The following LSAMP variants were observed in gnomAD, a reference collection of about 807,000 sequenced individuals.
LSAMP encodes the protein limbic system associated membrane protein.
LSAMP carries 7 observed loss-of-function variants against 38.6 expected under a neutral mutation model. That is an observed-to-expected ratio of 0.18 (90% confidence interval 0.10 to 0.34). The LOEUF is 0.34. LSAMP is among the 10% of genes least tolerant of loss of function. The pLI, the probability that LSAMP is intolerant of heterozygous loss-of-function variation, is 1.00. For synonymous variants in LSAMP, 154 were observed against 166.8 expected (o/e 0.92, Z 0.59); for missense variants, 313 against 420.0 (o/e 0.75, Z 2.23).
At chr3:115,817,755 T>G (rs1440627812) in intron 6 of LSAMP, among the ~76,000 whole-genome samples, 1 of 152,042 alleles carries the variant, frequency 6.6e-6, no homozygotes, top group East Asian at 1.9e-4. Context: ...AAAGATGGAG[T>G]AAGAATTCTC....
intron 3 of LSAMP, among the ~76,000 whole-genome samples, chr3:115,915,702 G>A (rs920842210): frequency 2.0e-5 from 3 of 151,626 alleles, no homozygotes; most frequent in Admixed American, 6.6e-5. Flanking sequence ...GCGCAATCTC[G>A]GCTCACTGCA....
In LSAMP at chr3:116,066,011, T is replaced by A. The variant is rs556982115; in HGVS notation, c.388+20313A>T. On this transcript the variant is annotated intron_variant, in intron 2 of 6. Coordinates refer to ENST00000490035, the MANE Select transcript of LSAMP (RefSeq NM_002338.5). ...TTTGGAACATACAGTAGTGTCTTTA[T>A]GCAGGCTGCTATAACAAAATACCAT... 2.6e-5 allele frequency among the ~76,000 whole-genome samples: 4 copies of A among 152,390 alleles called. No homozygotes were observed. In the South Asian group the frequency reaches 8.3e-4, roughly 32 times the overall value.
At chr3:115,893,784 T>A (rs1936661513) in intron 3 of LSAMP, among the ~76,000 whole-genome samples, 1 of 152,034 alleles carries the variant, frequency 6.6e-6, no homozygotes, top group Non-Finnish European at 1.5e-5. Context: ...ATTTTTACTC[T>A]AAATAAAAAT....
intron 3 of LSAMP, among the ~76,000 whole-genome samples, chr3:115,945,857 C>T (rs1278083581): frequency 6.6e-6 from 1 of 152,130 alleles, no homozygotes; most frequent in Non-Finnish European, 1.5e-5. Flanking sequence ...CTTTTGAGTT[C>T]TTATTGACAT....
rs559278775 is a variant in LSAMP, at chr3:116,404,304, T to G, written c.155+40573A>C. ...GATCTAATAGAGAAAGTTAGAATTCTCTCTGTTTTTAATGCTTCAGAAAAT... is the reference window on the plus strand; with the variant it reads ...GATCTAATAGAGAAAGTTAGAATTCGCTCTGTTTTTAATGCTTCAGAAAAT... On this transcript the variant is annotated intron_variant, in intron 1 of 6. Coordinates refer to ENST00000490035, the MANE Select transcript of LSAMP (RefSeq NM_002338.5). Among the ~76,000 whole-genome samples the G allele has an allele frequency of 2.6e-5, 4 of 152,292 alleles. No individual in the cohort carries two copies. The South Asian group carries it at 8.3e-4, about 32-fold the overall frequency.
intron 1 of LSAMP, among the ~76,000 whole-genome samples, chr3:116,429,099 C>T (rs116635930): frequency 1.3e-5 from 2 of 152,328 alleles, no homozygotes; most frequent in Admixed American, 6.5e-5. Flanking sequence ...CCTGGCCCCA[C>T]AGACAAAGCT....
intron 1 of LSAMP, among the ~76,000 whole-genome samples, chr3:116,322,280 A>G (rs569510564): frequency 1.1e-4 from 17 of 152,318 alleles, no homozygotes; most frequent in African/African-American, 3.4e-4. Flanking sequence ...TAGTAATTTT[A>G]TGATGGAATA....
chr3:115,959,547 A>G (rs1329113824), intron 3 of LSAMP, among the ~76,000 whole-genome samples: 1 of 152,214 alleles, frequency 6.6e-6, no homozygotes, highest in Non-Finnish European at 1.5e-5. Flanking sequence ...AATAAAATGT[A>G]GTAGTTCGGA....
chr3:115,962,401 A>C (rs775948509), intron 3 of LSAMP, among the ~76,000 whole-genome samples: 1 of 152,290 alleles, frequency 6.6e-6, no homozygotes, highest in East Asian at 1.9e-4. Flanking sequence ...TTATTATACA[A>C]TTTGAGATAA....
At chr3:116,430,115 T>C (rs536093534) in intron 1 of LSAMP, among the ~76,000 whole-genome samples, 1 of 152,240 alleles carries the variant, frequency 6.6e-6, no homozygotes, top group South Asian at 2.1e-4. Context: ...TAAAAGTAAC[T>C]CTCTGAGACC....
chr3:116,349,774 C>A (rs557251675), intron 1 of LSAMP, among the ~76,000 whole-genome samples: 1 of 151,620 alleles, frequency 6.6e-6, no homozygotes, highest in East Asian at 1.9e-4. Flanking sequence ...AATGAGGCAA[C>A]GATGGTTAAG....
At chr3:115,977,928 A>T (rs12491850) in intron 3 of LSAMP, among the ~76,000 whole-genome samples, 42,120 of 152,052 alleles carry the variant, frequency 0.28, 7,056 homozygotes, top group African/African-American at 0.48. Flanking sequence ...TATTAAAAAA[A>T]TGGTAGATAT....
At chr3:116,391,794 C>A (rs1332159342) in intron 1 of LSAMP, among the ~76,000 whole-genome samples, 3 of 152,160 alleles carry the variant, frequency 2.0e-5, no homozygotes, top group Non-Finnish European at 4.4e-5. Context: ...ATCCAGCCAG[C>A]AGTGTGGCCA....
chr3:115,962,429 G>A (rs768687304), intron 3 of LSAMP, among the ~76,000 whole-genome samples: 33 of 152,138 alleles, frequency 2.2e-4, no homozygotes, highest in Non-Finnish European at 4.6e-4. Flanking sequence ...ATGACACACC[G>A]TGGCATAGTG....
At chr3:116,136,659 C>T (rs1709254025) in intron 1 of LSAMP, among the ~76,000 whole-genome samples, 1 of 151,982 alleles carries the variant, frequency 6.6e-6, no homozygotes, top group Admixed American at 6.6e-5. Flanking sequence ...ATGGTATCAC[C>T]CCTTCTTATC....
At chr3:116,200,093 TACACACACACACACAC>T (rs36216707) in intron 1 of LSAMP, among the ~76,000 whole-genome samples, 10 of 149,260 alleles carry the variant, frequency 6.7e-5, no homozygotes, top group African/African-American at 1.5e-4. Flanking sequence ...AGTCTTACTT[TACACACACACACACAC>T]ACACACACAC....
chr3:116,350,689 A>T (rs949234610), intron 1 of LSAMP, among the ~76,000 whole-genome samples: 1 of 151,876 alleles, frequency 6.6e-6, no homozygotes, highest in Non-Finnish European at 1.5e-5. Context: ...CAATTTGAAC[A>T]TGCCGAAGAG....
intron 1 of LSAMP, among the ~76,000 whole-genome samples, chr3:116,256,322 G>A (rs760493262): frequency 7.9e-5 from 12 of 152,084 alleles, no homozygotes; most frequent in Non-Finnish European, 1.3e-4. Flanking sequence ...GAGCATTTGC[G>A]CAGACCTCAG....
intron 1 of LSAMP, among the ~76,000 whole-genome samples, chr3:116,221,442 G>A (rs143973938): frequency 3.8e-4 from 58 of 152,204 alleles, no homozygotes; most frequent in African/African-American, 1.3e-3. Context: ...AACTAGCTAC[G>A]CTCTGAACTA....
Sources: gnomAD v4.1 joint callset for allele counts (sites outside exome capture counted in the v4.1 genomes callset) on GRCh38, gnomAD v4.1.1 for gene constraint, MANE v1.5 for transcripts, NCBI Gene and HGNC (gene_info 2026-07-23, HGNC 2026-07-21) for gene names.